SHISA9: variants seen among roughly 807,000 people sequenced by gnomAD.
The protein encoded by SHISA9 is protein shisa-9.
SHISA9 carries 13 observed loss-of-function variants against 38.0 expected under a neutral mutation model. The observed-to-expected ratio is 0.34, with a 90% CI of 0.22 to 0.54. The LOEUF (loss-of-function observed/expected upper bound fraction) is 0.54, where lower values mean the gene tolerates loss of function less well. Among genes scored for constraint, SHISA9 ranks in the 20% least tolerant of loss-of-function variants. The pLI is 0.91. For synonymous variants in SHISA9, 275 were observed against 242.0 expected, an observed-to-expected ratio of 1.14 and a Z score of -1.27; for missense variants, 538 against 575.8, an observed-to-expected ratio of 0.93 and a Z score of 0.67.
At chr16:13,088,036 A>T (rs946734070) in intron 2 of SHISA9, among the ~76,000 whole-genome samples, 6 of 152,236 alleles carry the variant, frequency 3.9e-5, no homozygotes, top group African/African-American at 1.4e-4. Context: ...AGCTTTCTAC[A>T]TATGGCTAGC....
chr16:12,961,737 G>A (rs1223823726), intron 2 of SHISA9, among the ~76,000 whole-genome samples: 1 of 151,514 alleles, frequency 6.6e-6, no homozygotes, highest in Admixed American at 6.6e-5. Flanking sequence ...GCCCCAGAAG[G>A]CACAGGAGTT....
chr16:13,158,066 C>T (rs986568929), intron 2 of SHISA9, among the ~76,000 whole-genome samples: 7 of 152,136 alleles, frequency 4.6e-5, no homozygotes, highest in Non-Finnish European at 7.3e-5. Context: ...TAGAAAGAAC[C>T]GGAACCTTGG....
At chr16:13,319,839 A>G in the SHISA9 span, among the ~76,000 whole-genome samples, 8 of 151,550 alleles carry the variant, frequency 5.3e-5, no homozygotes, top group African/African-American at 1.7e-4. Context: ...AACAGAACGC[A>G]TGTGGCTTTT....
chr16:13,554,884 G>T, the SHISA9 span, among the ~76,000 whole-genome samples: 1 of 152,164 alleles, frequency 6.6e-6, no homozygotes, highest in Non-Finnish European at 1.5e-5. Flanking sequence ...TTGCTGTTAG[G>T]GTGAGGAAGA....
the SHISA9 span, among the ~76,000 whole-genome samples, chr16:13,489,612 C>T: frequency 2.0e-5 from 3 of 152,090 alleles, no homozygotes; most frequent in Admixed American, 6.6e-5. Flanking sequence ...TAAGTGGTTT[C>T]CCCTTTCACT....
intron 2 of SHISA9, among the ~76,000 whole-genome samples, chr16:13,039,729 C>G (rs559173340): frequency 2.0e-5 from 3 of 152,136 alleles, no homozygotes; most frequent in Admixed American, 6.5e-5. Context: ...ACAAACCCCA[C>G]ACACCTGTTC....
At chr16:13,162,459 C>T (rs975493406) in intron 2 of SHISA9, among the ~76,000 whole-genome samples, 4 of 152,182 alleles carry the variant, frequency 2.6e-5, no homozygotes, top group Non-Finnish European at 4.4e-5. Context: ...TTTTACCTTG[C>T]ATTAGCATCA....
the SHISA9 span, among the ~76,000 whole-genome samples, chr16:13,460,920 T>C: frequency 4.6e-5 from 7 of 152,342 alleles, no homozygotes; most frequent in East Asian, 1.4e-3. Flanking sequence ...CCGCTCAGTA[T>C]GGCATGAGCA....
At chr16:13,404,257 C>T in the SHISA9 span, among the ~76,000 whole-genome samples, 3 of 152,132 alleles carry the variant, frequency 2.0e-5, no homozygotes, top group Non-Finnish European at 4.4e-5. Context: ...TCTATGCTAT[C>T]ACAGAGATTA....
the SHISA9 span, among the ~76,000 whole-genome samples, chr16:13,386,875 G>C: frequency 6.6e-6 from 1 of 152,116 alleles, no homozygotes; most frequent in Non-Finnish European, 1.5e-5. Context: ...TTTCCCTACT[G>C]ATGGATATCT....
chr16:13,089,284 A>T (rs975067428), intron 2 of SHISA9, among the ~76,000 whole-genome samples: 1 of 152,172 alleles, frequency 6.6e-6, no homozygotes, highest in East Asian at 1.9e-4. Context: ...TGTCTCTGCC[A>T]GGCTTTGGTA....
the SHISA9 span, among the ~76,000 whole-genome samples, chr16:13,372,866 A>G: frequency 4.6e-5 from 7 of 152,146 alleles, no homozygotes; most frequent in African/African-American, 7.2e-5. Context: ...GAAGCCCTTT[A>G]AAACACTTTT....
intron 2 of SHISA9, among the ~76,000 whole-genome samples, chr16:13,008,664 TTCCTCCCTCCC>T (rs1567179935): frequency 1.3e-3 from 19 of 14,456 alleles, no homozygotes; most frequent in Non-Finnish European, 2.1e-3. Context: ...CCTCCCTCCC[TTCCTCCCTCCC>T]TCCCTCTCTC....
At chr16:13,245,605 G>A in the SHISA9 span, among the ~76,000 whole-genome samples, 11 of 151,978 alleles carry the variant, frequency 7.2e-5, 1 homozygote, top group South Asian at 2.1e-3. Flanking sequence ...TTTATTTTTC[G>A]CCACTCATAG....
the SHISA9 span, among the ~76,000 whole-genome samples, chr16:13,435,525 A>C: frequency 6.6e-6 from 1 of 152,226 alleles, no homozygotes; most frequent in African/African-American, 2.4e-5. Flanking sequence ...ATATGACTGG[A>C]AAAGGCACTT....
At chr16:13,422,751 A>C in the SHISA9 span, among the ~76,000 whole-genome samples, 6 of 152,104 alleles carry the variant, frequency 3.9e-5, no homozygotes, top group Non-Finnish European at 5.9e-5. Flanking sequence ...ACCACCAACA[A>C]CAACAAACAA....
At chr16:13,530,154 A>G in the SHISA9 span, among the ~76,000 whole-genome samples, 1 of 152,156 alleles carries the variant, frequency 6.6e-6, no homozygotes, top group Non-Finnish European at 1.5e-5. Context: ...CAAAAAAATT[A>G]GCCAGGCCTG....
chr16:13,459,146 G>A, the SHISA9 span, among the ~76,000 whole-genome samples: 5 of 152,086 alleles, frequency 3.3e-5, no homozygotes, highest in Non-Finnish European at 7.4e-5. Context: ...GAGCCACTGT[G>A]CCAGGCCAAA....
the SHISA9 span, among the ~76,000 whole-genome samples, chr16:13,528,904 CAG>C: frequency 6.6e-6 from 1 of 152,184 alleles, no homozygotes; most frequent in Non-Finnish European, 1.5e-5. Context: ...CAGACACAGT[CAG>C]GGGCAAGTTC....
Sources: gnomAD v4.1 joint callset for allele counts (sites outside exome capture counted in the v4.1 genomes callset) on GRCh38, gnomAD v4.1.1 for gene constraint, MANE v1.5 for transcripts, NCBI Gene and HGNC (gene_info 2026-07-23, HGNC 2026-07-21) for gene names.